Variants in ARHGAP15 observed in about 807,000 individuals in gnomAD.
The protein encoded by ARHGAP15 is rho GTPase-activating protein 15.
In ARHGAP15, 51 loss-of-function variants were observed where a neutral mutation model predicts 63.7. That is an observed-to-expected ratio of 0.80 (90% confidence interval 0.64 to 1.01). The LOEUF is 1.01. Ranked by LOEUF, ARHGAP15 falls within the 50% of genes least tolerant of loss-of-function variation. The probability of loss-of-function intolerance (pLI) is 0.00; values close to 1 mark genes in which losing one functional copy is unlikely to be tolerated. For missense variants in ARHGAP15, 560 were observed against 564.6 expected, an observed-to-expected ratio of 0.99 and a Z score of 0.08; for synonymous variants, 191 against 193.8, an observed-to-expected ratio of 0.99 and a Z score of 0.12.
At chr2:143,744,858 G>A (rs541538014) in intron 13 of ARHGAP15, among the ~76,000 whole-genome samples, 28 of 152,260 alleles carry the variant, frequency 1.8e-4, no homozygotes, top group East Asian at 1.7e-3. Flanking sequence ...ATGTACATCC[G>A]TTGGGAACTG....
At chr2:143,448,430 A>G (rs1439272780) in intron 8 of ARHGAP15, among the ~76,000 whole-genome samples, 1 of 152,104 alleles carries the variant, frequency 6.6e-6, no homozygotes, top group Non-Finnish European at 1.5e-5. Flanking sequence ...GTGAGAGATC[A>G]GAGGTAAGAA....
intron 6 of ARHGAP15, among the ~76,000 whole-genome samples, chr2:143,343,444 A>G (rs1345366452): frequency 6.6e-6 from 1 of 152,076 alleles, no homozygotes; most frequent in Non-Finnish European, 1.5e-5. Flanking sequence ...GATTGGACTA[A>G]GAATGTTTTA....
chr2:143,165,088 C>A (rs376292298), intron 2 of ARHGAP15, among the ~76,000 whole-genome samples: 2 of 151,898 alleles, frequency 1.3e-5, no homozygotes, highest in Non-Finnish European at 2.9e-5. Context: ...GTATCCCTTA[C>A]GAGGTGATTT....
At chr2:143,595,218 C>G (rs1176139520) in intron 11 of ARHGAP15, among the ~76,000 whole-genome samples, 2 of 152,192 alleles carry the variant, frequency 1.3e-5, no homozygotes, top group Non-Finnish European at 2.9e-5. Flanking sequence ...CAGAGTGAAC[C>G]GATTTGACAT....
intron 10 of ARHGAP15, among the ~76,000 whole-genome samples, chr2:143,530,840 A>G (rs1340136208): frequency 6.6e-6 from 1 of 152,200 alleles, no homozygotes; most frequent in East Asian, 1.9e-4. Flanking sequence ...TAGTATCATC[A>G]GCAAATTTAA....
chr2:143,131,172 GA>G (rs1257837946), intron 1 of ARHGAP15, among the ~76,000 whole-genome samples: 2 of 152,128 alleles, frequency 1.3e-5, no homozygotes, highest in Non-Finnish European at 2.9e-5. Flanking sequence ...ATGAATTGAA[GA>G]GAGCTTGATA....
chr2:143,198,757 T>C (rs1188921409), intron 2 of ARHGAP15, among the ~76,000 whole-genome samples: 1 of 152,166 alleles, frequency 6.6e-6, no homozygotes, highest in Admixed American at 6.6e-5. Flanking sequence ...GAGCTAGCCA[T>C]AGAAGAAATG....
At chr2:143,201,908 A>G (rs960243222) in intron 2 of ARHGAP15, among the ~76,000 whole-genome samples, 1 of 152,164 alleles carries the variant, frequency 6.6e-6, no homozygotes, top group Non-Finnish European at 1.5e-5. Flanking sequence ...AGGGGTGTCA[A>G]GGTTACATGG....
chr2:143,745,972 G>C (rs920447692), intron 13 of ARHGAP15, among the ~76,000 whole-genome samples: 1 of 152,132 alleles, frequency 6.6e-6, no homozygotes, highest in African/African-American at 2.4e-5. Context: ...ATTAAAACTG[G>C]TGTGCAGTAA....
chr2:143,371,600 TA>T (rs1321825845), intron 6 of ARHGAP15, among the ~76,000 whole-genome samples: 3 of 152,218 alleles, frequency 2.0e-5, no homozygotes, highest in African/African-American at 7.2e-5. Flanking sequence ...GGTTTGGTAA[TA>T]ATCCATACAC....
intron 1 of ARHGAP15, among the ~76,000 whole-genome samples, chr2:143,132,378 T>G (rs1217150490): frequency 6.6e-6 from 1 of 152,192 alleles, no homozygotes; most frequent in Non-Finnish European, 1.5e-5. Context: ...TAGGTCTCAT[T>G]TTTTTCATTC....
At chr2:143,347,891 A>G (rs1685366976) in intron 6 of ARHGAP15, among the ~76,000 whole-genome samples, 1 of 151,600 alleles carries the variant, frequency 6.6e-6, no homozygotes, top group South Asian at 2.1e-4. Flanking sequence ...CAGATGTTAA[A>G]TATTAGAATT....
intron 9 of ARHGAP15, among the ~76,000 whole-genome samples, chr2:143,517,011 G>A (rs1034026637): frequency 9.2e-5 from 14 of 152,054 alleles, no homozygotes; most frequent in African/African-American, 2.4e-4. Context: ...GGGCAGTGGC[G>A]CGATCTCAGC....
rs538913108 is a variant in ARHGAP15, at chr2:143,555,964, A to G, written c.926-444A>G. On this transcript the variant is annotated intron_variant, in intron 10 of 13. Transcript: ENST00000295095. Reference sequence around the variant, plus strand: ...AATGGAGAGAAGAAAAAGAGCTGAGAAGAGGAGAGGAAGGAAAGAAGAGAG... The same window carrying G: ...AATGGAGAGAAGAAAAAGAGCTGAGGAGAGGAGAGGAAGGAAAGAAGAGAG... 2.0e-5 allele frequency among the ~76,000 whole-genome samples: 3 copies of G among 152,132 alleles called. No individual in the cohort carries two copies. In the East Asian group the frequency reaches 5.8e-4, roughly 29 times the overall value.
At chr2:143,356,735 A>T (rs548408157) in intron 6 of ARHGAP15, among the ~76,000 whole-genome samples, 10 of 152,254 alleles carry the variant, frequency 6.6e-5, no homozygotes, top group Non-Finnish European at 1.2e-4. Context: ...AGTTAATTTT[A>T]AAAAAATCCT....
chr2:143,219,234 A>AT (rs1692890599), intron 4 of ARHGAP15, among the ~76,000 whole-genome samples: 1 of 152,184 alleles, frequency 6.6e-6, no homozygotes, highest in African/African-American at 2.4e-5. Context: ...CTGTGTTACA[A>AT]TTGCCTACAG....
At chr2:143,454,785 G>C (rs953367336) in intron 8 of ARHGAP15, among the ~76,000 whole-genome samples, 3 of 152,004 alleles carry the variant, frequency 2.0e-5, no homozygotes, top group African/African-American at 7.2e-5. Flanking sequence ...GACAAAATAG[G>C]CCCTAAAAAT....
intron 8 of ARHGAP15, among the ~76,000 whole-genome samples, chr2:143,480,057 CAA>C (rs1692003248): frequency 6.6e-6 from 1 of 152,022 alleles, no homozygotes; most frequent in African/African-American, 2.4e-5. Context: ...AGTGCTATAA[CAA>C]AAAGAGTTTA....
intron 12 of ARHGAP15, among the ~76,000 whole-genome samples, chr2:143,652,265 T>A (rs1681206873): frequency 6.6e-6 from 1 of 152,006 alleles, no homozygotes. Context: ...TATGGTTTCT[T>A]TTGTAAGTAC....
Sources: allele counts gnomAD v4.1 joint callset (sites outside exome capture counted in the v4.1 genomes callset), GRCh38; gene constraint gnomAD v4.1.1; transcripts MANE v1.5; gene names NCBI Gene and HGNC (gene_info 2026-07-23, HGNC 2026-07-21).